DNAH10: variants seen among roughly 807,000 people sequenced by gnomAD.
DNAH10 encodes the protein dynein axonemal heavy chain 10.
A neutral mutation model predicts 506.6 loss-of-function variants in DNAH10; 348 were observed. The observed-to-expected ratio is 0.69, with a 90% CI of 0.63 to 0.75. The LOEUF is 0.75. DNAH10 is among the 30% of genes least tolerant of loss of function. DNAH10 has a pLI of 0.00. For missense variants in DNAH10, 5,179 were observed against 5,787.1 expected (o/e 0.89, Z 3.41); for synonymous variants, 2,059 against 2,198.6 (o/e 0.94, Z 1.78).
At chr12:123,892,711 A>G (rs1953040475) in intron 52 of DNAH10, among the ~76,000 whole-genome samples, 3 of 152,246 alleles carry the variant, frequency 2.0e-5, no homozygotes, top group Admixed American at 1.3e-4. Context: ...GATATAGGAA[A>G]AAAGAAGTCC....
chr12:123,802,231 T>C (rs1351230132), intron 16 of DNAH10, among the ~76,000 whole-genome samples: 1 of 152,252 alleles, frequency 6.6e-6, no homozygotes, highest in East Asian at 1.9e-4. Context: ...GACAGGAGTC[T>C]TCACTTTTTC....
chr12:123,780,966 T>TAA, intron 5 of DNAH10, 114 bp from the exon 6 acceptor site: 2 of 471,520 alleles, frequency 4.2e-6, no homozygotes, highest in Non-Finnish European at 6.8e-6. Flanking sequence ...AAAAAAAGAA[T>TAA]ATTCAAAACC....
At chr12:123,793,652 T>C (rs551890354) in intron 11 of DNAH10, among the ~76,000 whole-genome samples, 1 of 152,172 alleles carries the variant, frequency 6.6e-6, no homozygotes, top group Admixed American at 6.5e-5. Context: ...CTTCATTACT[T>C]TCTTACTAAA....
In DNAH10 at chr12:123,935,349, C is replaced by A; in HGVS notation, c.13638C>A (p.Thr4546=). 6.2e-7 allele frequency: 1 copy of A among 1,605,204 alleles called. No individual in the cohort carries two copies. Among genetic ancestry groups the A allele is most frequent in the East Asian group, 2.2e-5 (1 of 44,606 alleles). Residue 4546 remains threonine (T), a synonymous_variant, in exon 79 of 79, where the codon ACC becomes ACA. Transcript: ENST00000673944. ...TTCCCTTGCAGAATACTTTCCGGACCCCCGTCTACACCACCTCCATGAGAA... is the reference window on the plus strand; with the variant it reads ...TTCCCTTGCAGAATACTTTCCGGACACCCGTCTACACCACCTCCATGAGAA... The part of the protein sequence containing the change: ...HRLKLQNTFR[T]PVYTTSMRRN...
chr12:123,779,094 G>T (rs957052114), intron 5 of DNAH10, among the ~76,000 whole-genome samples: 1 of 152,038 alleles, frequency 6.6e-6, no homozygotes, highest in African/African-American at 2.4e-5. Context: ...TAGTAGAGAT[G>T]GGTTTTCACC....
chr12:123,839,807 C>T (rs1380160029), intron 29 of DNAH10, among the ~76,000 whole-genome samples: 3 of 151,994 alleles, frequency 2.0e-5, no homozygotes, highest in East Asian at 1.9e-4. Flanking sequence ...GGACTACAGG[C>T]GCCAGCCACT....
intron 4 of DNAH10, 26 bp from the exon 5 acceptor site, chr12:123,774,123 T>A (rs768080059): frequency 1.3e-6 from 2 of 1,507,542 alleles, no homozygotes; most frequent in Admixed American, 4.0e-5. Context: ...CCACTGACCT[T>A]ACATTCTACA....
At chr12:123,864,756 G>T in intron 40 of DNAH10, 26 bp downstream of exon 40, 1 of 1,586,568 alleles carries the variant, frequency 6.3e-7, no homozygotes, top group South Asian at 1.2e-5. Flanking sequence ...AAGTAAATTT[G>T]AACATAAATC....
intron 5 of DNAH10, among the ~76,000 whole-genome samples, chr12:123,775,729 T>G (rs35307358): frequency 6.6e-6 from 1 of 152,078 alleles, no homozygotes; most frequent in Non-Finnish European, 1.5e-5. Flanking sequence ...ATTTTACCTC[T>G]GGCTATTGTG....
intron 5 of DNAH10, among the ~76,000 whole-genome samples, chr12:123,780,159 CT>C: frequency 1.4e-5 from 2 of 139,790 alleles, no homozygotes; most frequent in East Asian, 2.5e-4. Context: ...TTCTCTCTCT[CT>C]CTCTCTCTCT....
Position 123,918,657 on chromosome 12 carries a change from C to T in DNAH10, c.11233-19C>T, listed in dbSNP as rs1954592888. On this transcript the variant is annotated intron_variant, in intron 64 of 78. Transcript: ENST00000673944. ...ATCTCAGTCTTCCTGTTTCCAGGGT[C>T]ACCTGTGCTTTTCTTCAGGTCTCAG... is the stretch of plus-strand genomic sequence containing the variant. The T allele has an allele frequency of 2.0e-6, 3 of 1,537,062 alleles. No homozygotes were observed. The highest frequency in any genetic ancestry group is 1.3e-5 in the South Asian group (1 of 78,472).
At chr12:123,891,303 A>G (rs955968308) in intron 52 of DNAH10, among the ~76,000 whole-genome samples, 5 of 152,142 alleles carry the variant, frequency 3.3e-5, no homozygotes, top group African/African-American at 9.7e-5. Flanking sequence ...CCTCATTTCA[A>G]CTTGATTATC....
chr12:123,807,297 C>T (rs1375710512), intron 18 of DNAH10, among the ~76,000 whole-genome samples: 1 of 152,118 alleles, frequency 6.6e-6, no homozygotes, highest in Non-Finnish European at 1.5e-5. Context: ...ACAGACAAGG[C>T]CCCTGTATCC....
At chr12:123,866,510 T>G (rs1232831392) in intron 41 of DNAH10, among the ~76,000 whole-genome samples, 1 of 152,194 alleles carries the variant, frequency 6.6e-6, no homozygotes, top group Non-Finnish European at 1.5e-5. Context: ...CCCAAAGTGC[T>G]GGGATTACAG....
At chr12:123,922,244 G>C (rs186125953) in intron 65 of DNAH10, among the ~76,000 whole-genome samples, 70 of 150,930 alleles carry the variant, frequency 4.6e-4, no homozygotes, top group Non-Finnish European at 9.6e-4. Context: ...GTGTTGGCAG[G>C]CACCTGTAGT....
chr12:123,853,342 A>T lies in DNAH10; in HGVS notation c.6428A>T (p.Asp2143Val). Residue 2143 changes from aspartate to valine, a missense_variant, in exon 36 of 79, where the codon GAC (aspartate) becomes GTC (valine). Physicochemically the swap from Asp to Val is radical, Grantham distance 152. Coordinates refer to ENST00000673944, the MANE Select transcript of DNAH10 (RefSeq NM_001372106.1). This position sits in a 1 kb window ranked among gnomAD's most constrained non-coding sequence, Gnocchi z 4.7. ...MAGELKRGSS[D>V]LREDVVLMRA... ...GGTGAGCTGAAGAGAGGCTCCTCTGACCTTAGGGAGGTAGGGGCCACGTGC... is the reference window on the plus strand; with the variant it reads ...GGTGAGCTGAAGAGAGGCTCCTCTGTCCTTAGGGAGGTAGGGGCCACGTGC... 1 of 1,610,516 alleles carries T rather than the reference A, an allele frequency of 6.2e-7. No individual in the cohort carries two copies. Among genetic ancestry groups the T allele is most frequent in the African/African-American group, 1.3e-5 (1 of 74,872 alleles).
chr12:123,858,810 C>T (rs774398428), intron 37 of DNAH10, among the ~76,000 whole-genome samples: 3 of 151,990 alleles, frequency 2.0e-5, no homozygotes, highest in Admixed American at 6.6e-5. Flanking sequence ...ACATGCTAAG[C>T]GAAAGAAGCC....
At chr12:123,885,272 C>G (rs1226801763) in intron 51 of DNAH10, among the ~76,000 whole-genome samples, 2 of 152,202 alleles carry the variant, frequency 1.3e-5, no homozygotes, top group Admixed American at 1.3e-4. Context: ...GTCATTTTTC[C>G]CCACTGTGTC....
At chr12:123,901,005 A>C (rs1953493692) in intron 56 of DNAH10, among the ~76,000 whole-genome samples, 1 of 152,210 alleles carries the variant, frequency 6.6e-6, no homozygotes. Flanking sequence ...AATGGGATAC[A>C]TTGACACGTC....
Sources: gnomAD v4.1 joint callset for allele counts (sites outside exome capture counted in the v4.1 genomes callset) on GRCh38, gnomAD v4.1.1 for gene constraint, Gnocchi (gnomAD v3.1) non-coding constraint, MANE v1.5 for transcripts, NCBI Gene and HGNC (gene_info 2026-07-23, HGNC 2026-07-21) for gene names.